AGBL2: variants seen among roughly 807,000 people sequenced by gnomAD.
AGBL2 encodes the protein cytosolic carboxypeptidase 2.
A neutral mutation model predicts 103.0 loss-of-function variants in AGBL2; 87 were observed. That is an observed-to-expected ratio of 0.84 (90% CI 0.71 to 1.01). The LOEUF is 1.01. Ranked by LOEUF, AGBL2 falls within the 50% of genes least tolerant of loss-of-function variation. The pLI is 0.00. For missense variants in AGBL2, 904 were observed against 1,023.5 expected, an observed-to-expected ratio of 0.88 and a Z score of 1.59; for synonymous variants, 335 against 356.7, an observed-to-expected ratio of 0.94 and a Z score of 0.69.
At chr11:47,711,014 A>T (rs1290483584) in intron 3 of AGBL2, 1 of 357,218 alleles carries the variant, frequency 2.8e-6, no homozygotes, top group Non-Finnish European at 5.4e-6. Context: ...CCTCAATAAC[A>T]TGCAGTTTAC....
At chr11:47,702,807 G>A (rs2097504005) in intron 7 of AGBL2, among the ~76,000 whole-genome samples, 1 of 152,038 alleles carries the variant, frequency 6.6e-6, no homozygotes, top group Non-Finnish European at 1.5e-5. Flanking sequence ...CCGGGAGGCG[G>A]AGGTTGCAGT....
intron 14 of AGBL2, among the ~76,000 whole-genome samples, chr11:47,672,212 A>G (rs1050274795): frequency 1.3e-5 from 2 of 152,074 alleles, no homozygotes; most frequent in African/African-American, 2.4e-5. Flanking sequence ...CAGTCTCCCA[A>G]AGTGCTGGGA....
intron 11 of AGBL2, among the ~76,000 whole-genome samples, chr11:47,684,505 G>A (rs1329153583): frequency 1.3e-5 from 2 of 150,248 alleles, no homozygotes; most frequent in East Asian, 2.0e-4. Context: ...GCAGTGAGCC[G>A]AGATCGCGCC....
chr11:47,707,065 G>A (rs11039348), intron 4 of AGBL2, among the ~76,000 whole-genome samples: 42,285 of 149,854 alleles, frequency 0.28, 6,882 homozygotes, highest in Middle Eastern at 0.38. Context: ...CAGGCATGGT[G>A]GCACGTGCCT....
chr11:47,679,390 CAAA>C (rs1239771163), intron 13 of AGBL2, among the ~76,000 whole-genome samples: 1 of 149,602 alleles, frequency 6.7e-6, no homozygotes, highest in African/African-American at 2.5e-5. Context: ...GATCCTGTCT[CAAA>C]AGAAAAAAAA....
At chr11:47,665,595 A>G (rs12787112) in intron 17 of AGBL2, among the ~76,000 whole-genome samples, 42,216 of 151,776 alleles carry the variant, frequency 0.28, 6,886 homozygotes, top group Middle Eastern at 0.37. Flanking sequence ...AGGTGGGACT[A>G]TGTGCACCAC....
At chr11:47,685,744 GC>G in intron 11 of AGBL2, 148 bp downstream of exon 11, 1 of 869,046 alleles carries the variant, frequency 1.2e-6, no homozygotes, top group Non-Finnish European at 1.7e-6. Flanking sequence ...TTAAAACCAC[GC>G]TTTTCTAAAT....
intron 14 of AGBL2, among the ~76,000 whole-genome samples, chr11:47,669,314 T>G (rs1381498164): frequency 6.6e-6 from 1 of 152,206 alleles, no homozygotes; most frequent in African/African-American, 2.4e-5. Context: ...GCGATCCTCT[T>G]GCCTCAGCCT....
intron 4 of AGBL2, among the ~76,000 whole-genome samples, chr11:47,708,007 C>G (rs1227816047): frequency 2.0e-5 from 3 of 151,986 alleles, no homozygotes; most frequent in Non-Finnish European, 4.4e-5. Context: ...TCAAATGATC[C>G]TCCTGCCTCA....
At chr11:47,699,374 T>C (rs2097489205) in intron 8 of AGBL2, 72 bp downstream of exon 8, 1 of 891,138 alleles carries the variant, frequency 1.1e-6, no homozygotes, top group Admixed American at 2.6e-5. Flanking sequence ...TAAAATCACT[T>C]TTATTATGGA....
At chr11:47,713,800 A>G (rs183558648) in intron 3 of AGBL2, among the ~76,000 whole-genome samples, 8 of 151,876 alleles carry the variant, frequency 5.3e-5, no homozygotes, top group African/African-American at 1.7e-4. Context: ...CGTGTTAGCC[A>G]GGATGGTCTC....
chr11:47,671,636 T>G (rs922418823), intron 14 of AGBL2, among the ~76,000 whole-genome samples: 1 of 152,184 alleles, frequency 6.6e-6, no homozygotes, highest in Non-Finnish European at 1.5e-5. Context: ...GCCTTCATTC[T>G]GTTTCTGCTC....
intron 8 of AGBL2, among the ~76,000 whole-genome samples, chr11:47,693,706 A>C (rs1459374457): frequency 2.0e-5 from 3 of 152,168 alleles, no homozygotes; most frequent in Non-Finnish European, 4.4e-5. Flanking sequence ...GGCCCTTTAC[A>C]ATTCCATATA....
chr11:47,662,516 G>T (rs1172705194), intron 18 of AGBL2, among the ~76,000 whole-genome samples: 1 of 126,330 alleles, frequency 7.9e-6, no homozygotes, highest in Non-Finnish European at 1.7e-5. Context: ...TTTTTTAGAC[G>T]GAGTCGCACT....
Position 47,690,377 on chromosome 11 carries a change from G to A in AGBL2, c.1330C>T (p.Gln444Ter), listed in dbSNP as rs745442185. ...VYLLTITNPS[Q>*]TPQEAAAKKA... ...TTTGCAGCTGCCTCTTGAGGGGTCTGGGATGGGTTGGTGATGGTGAGCAAG... is the reference window on the plus strand; with the variant it reads ...TTTGCAGCTGCCTCTTGAGGGGTCTAGGATGGGTTGGTGATGGTGAGCAAG... Residue 444 changes from glutamine to a stop codon, truncating the protein, a stop_gained, in exon 10 of 19, where the codon CAG (glutamine) becomes TAG (stop). Transcript: ENST00000525123. LOFTEE classifies it high-confidence loss of function. 8 of 1,614,156 alleles carry A rather than the reference G, an allele frequency of 5.0e-6. No homozygotes were observed. Among genetic ancestry groups the A allele is most frequent in the Non-Finnish European group, 6.8e-6 (8 of 1,180,022 alleles).
intron 14 of AGBL2, among the ~76,000 whole-genome samples, chr11:47,669,306 G>C (rs927403557): frequency 2.0e-5 from 3 of 152,154 alleles, no homozygotes; most frequent in Non-Finnish European, 4.4e-5. Context: ...GTGTTCAAGC[G>C]ATCCTCTTGC....
At chr11:47,663,185 CATTT>C in intron 17 of AGBL2, 73 bp from the exon 18 acceptor site, 12 of 906,344 alleles carry the variant, frequency 1.3e-5, no homozygotes, top group Non-Finnish European at 2.0e-5. Context: ...ATACATTATT[CATTT>C]GTTTCTTATT....
At chr11:47,692,326 C>T (rs2097450704) in intron 8 of AGBL2, 70 bp from the exon 9 acceptor site, 1 of 1,348,012 alleles carries the variant, frequency 7.4e-7, no homozygotes, top group African/African-American at 1.4e-5. Context: ...ACTTAAGTGG[C>T]CCCTCTAAGT....
chr11:47,690,977 C>A (rs2097442959), intron 9 of AGBL2, 119 bp from the exon 10 acceptor site: 4 of 797,466 alleles, frequency 5.0e-6, no homozygotes, highest in South Asian at 1.8e-5. Flanking sequence ...AAATCTGCTA[C>A]CTTAATCATT....
Sources: gnomAD v4.1 joint callset for allele counts (sites outside exome capture counted in the v4.1 genomes callset) on GRCh38, gnomAD v4.1.1 for gene constraint, MANE v1.5 for transcripts, NCBI Gene and HGNC (gene_info 2026-07-23, HGNC 2026-07-21) for gene names.